The following ADGB variants were observed in gnomAD, a reference collection of about 807,000 sequenced individuals.
ADGB encodes calpain-7-like protein.
A neutral mutation model predicts 210.5 loss-of-function variants in ADGB; 172 were observed. That is an observed-to-expected ratio of 0.82 (90% confidence interval 0.72 to 0.93). The LOEUF (loss-of-function observed/expected upper bound fraction) is 0.93, where lower values mean the gene tolerates loss of function less well. ADGB is among the 40% of genes least tolerant of loss of function. The pLI is 0.00. For synonymous variants in ADGB, 658 were observed against 662.7 expected (o/e 0.99, Z 0.11); for missense variants, 2,025 against 1,964.8 (o/e 1.03, Z -0.58).
intron 12 of ADGB, among the ~76,000 whole-genome samples, chr6:146,697,277 A>C (rs974546212): frequency 6.6e-6 from 1 of 152,172 alleles, no homozygotes; most frequent in African/African-American, 2.4e-5. Context: ...ATATGAGTGC[A>C]GGGTATGATG....
intron 23 of ADGB, 62 bp downstream of exon 23, chr6:146,736,653 A>T: frequency 8.7e-7 from 1 of 1,146,694 alleles, no homozygotes; most frequent in Non-Finnish European, 1.2e-6. Context: ...GTCCAGTTTG[A>T]ATACTACCAT....
rs546514733 is a variant in ADGB at position 146,718,796 on chromosome 6, A to C, written c.1992+1197A>C. Among the ~76,000 whole-genome samples the C allele has an allele frequency of 5.9e-5, 9 of 152,298 alleles. 1 individual carries two copies. In the South Asian group the frequency reaches 1.9e-3, roughly 32 times the overall value. On this transcript the variant is annotated intron_variant, in intron 16 of 35. Transcript: ENST00000397944. Reference sequence around the variant, plus strand: ...GTAACAGATGAAAACGGGCAGAGAAAACCTTTTGAGCAGACCTCAAGAGCT... The same window carrying C: ...GTAACAGATGAAAACGGGCAGAGAACACCTTTTGAGCAGACCTCAAGAGCT...
At chr6:146,781,505 T>C (rs1583636097) in intron 29 of ADGB, among the ~76,000 whole-genome samples, 2 of 146,536 alleles carry the variant, frequency 1.4e-5, no homozygotes, top group African/African-American at 2.5e-5. Flanking sequence ...GTAAAAGTAG[T>C]GTTGAGAGAA....
intron 33 of ADGB, among the ~76,000 whole-genome samples, chr6:146,789,168 T>G (rs1418444522): frequency 6.6e-6 from 1 of 152,146 alleles, no homozygotes; most frequent in Non-Finnish European, 1.5e-5. Context: ...CCTAAGCAAC[T>G]CCTCAACTCC....
chr6:146,789,020 G>T (rs956292892), intron 33 of ADGB, among the ~76,000 whole-genome samples: 1 of 152,064 alleles, frequency 6.6e-6, no homozygotes, highest in Admixed American at 6.5e-5. Context: ...TTTAAATGTT[G>T]AAAAAGAGCA....
At chr6:146,733,380 T>C in intron 21 of ADGB, 125 bp downstream of exon 21, 6 of 991,582 alleles carry the variant, frequency 6.1e-6, no homozygotes, top group Non-Finnish European at 8.3e-6. Context: ...GTTCAAGCAG[T>C]GCTCTAAGAG....
At chr6:146,809,989 A>G (rs199881296) in intron 35 of ADGB, among the ~76,000 whole-genome samples, 45,556 of 149,568 alleles carry the variant, frequency 0.3, 7,867 homozygotes, top group East Asian at 0.67. Context: ...GCTGCTGCAC[A>G]GCAAAGAAAA....
intron 1 of ADGB, among the ~76,000 whole-genome samples, chr6:146,633,409 C>T (rs1284781643): frequency 2.0e-5 from 3 of 151,528 alleles, no homozygotes; most frequent in Admixed American, 2.0e-4. Context: ...CCTCCTTTGG[C>T]TTCTTATCTC....
chr6:146,752,825 C>A, intron 27 of ADGB, 111 bp downstream of exon 27: 1 of 967,394 alleles, frequency 1.0e-6, no homozygotes, highest in Non-Finnish European at 1.4e-6. Flanking sequence ...AATTATGAAA[C>A]TTCATAGTAC....
intron 1 of ADGB, among the ~76,000 whole-genome samples, chr6:146,606,986 G>A (rs1027876542): frequency 6.6e-6 from 1 of 152,072 alleles, no homozygotes; most frequent in East Asian, 1.9e-4. Flanking sequence ...AATTGCTTTG[G>A]GCAGCATGGT....
In ADGB at chr6:146,672,290, G is replaced by A. The variant is rs1583583681; in HGVS notation, c.910G>A (p.Ala304Thr). Reference sequence around the variant, plus strand: ...GCCTGAGTTTAAGCTGTCAGATGAGGCCAGCTCTGAAAGCAAAATAGCAGT... The same window carrying A: ...GCCTGAGTTTAAGCTGTCAGATGAGACCAGCTCTGAAAGCAAAATAGCAGT... ...ILPEFKLSDE[A>T]SSESKIAVLD... Residue 304 changes from alanine (A) to threonine (T), a missense_variant, in exon 8 of 36, where the codon GCC (alanine) becomes ACC (threonine). Coordinates refer to ENST00000397944, the MANE Select transcript of ADGB (RefSeq NM_024694.4). 1 of 1,551,216 alleles carries A rather than the reference G, an allele frequency of 6.4e-7. No individual in the cohort carries two copies. Among genetic ancestry groups the A allele is most frequent in the Non-Finnish European group, 8.7e-7 (1 of 1,146,762 alleles).
At chr6:146,720,529 A>G (rs1028694744) in intron 16 of ADGB, among the ~76,000 whole-genome samples, 33 of 152,288 alleles carry the variant, frequency 2.2e-4, no homozygotes, top group African/African-American at 7.2e-4. Flanking sequence ...TCAGCAAGCA[A>G]TGGGTATTGA....
At chr6:146,640,783 T>C (rs1366626175) in intron 2 of ADGB, among the ~76,000 whole-genome samples, 1 of 152,004 alleles carries the variant, frequency 6.6e-6, no homozygotes, top group Non-Finnish European at 1.5e-5. Context: ...GAACCATCTA[T>C]GATAAACTCA....
intron 2 of ADGB, among the ~76,000 whole-genome samples, chr6:146,637,568 C>T (rs140712355): frequency 5.9e-4 from 89 of 152,016 alleles, no homozygotes; most frequent in African/African-American, 2.0e-3. Flanking sequence ...CTTTTTTAGA[C>T]AGTGCACCAG....
chr6:146,789,954 T>C (rs987309432), intron 33 of ADGB, among the ~76,000 whole-genome samples: 1 of 152,170 alleles, frequency 6.6e-6, no homozygotes, highest in African/African-American at 2.4e-5. Context: ...AATTTAAAGA[T>C]CTATAAAATA....
intron 1 of ADGB, among the ~76,000 whole-genome samples, chr6:146,631,991 T>C (rs1781073628): frequency 6.6e-6 from 1 of 151,854 alleles, no homozygotes; most frequent in Non-Finnish European, 1.5e-5. Context: ...AAAAAAACCT[T>C]CACTTGGTTT....
At chr6:146,794,998 G>C (rs9497632) in intron 33 of ADGB, among the ~76,000 whole-genome samples, 16,674 of 112,932 alleles carry the variant, frequency 0.15, 1,662 homozygotes, top group African/African-American at 0.3. Flanking sequence ...GAGAAATCTT[G>C]GAGAAAACAT....
intron 6 of ADGB, among the ~76,000 whole-genome samples, chr6:146,664,868 A>T (rs942079757): frequency 4.7e-4 from 71 of 152,126 alleles, no homozygotes; most frequent in African/African-American, 1.6e-3. Flanking sequence ...TTCTTACAAA[A>T]TTGGTTTCTG....
At chr6:146,792,230 T>A (rs1408979193) in intron 33 of ADGB, among the ~76,000 whole-genome samples, 1 of 152,206 alleles carries the variant, frequency 6.6e-6, no homozygotes, top group African/African-American at 2.4e-5. Context: ...ATACAAATTT[T>A]AGGAATCTTT....
Sources: gnomAD v4.1 joint callset for allele counts (sites outside exome capture counted in the v4.1 genomes callset) on GRCh38, gnomAD v4.1.1 for gene constraint, MANE v1.5 for transcripts, NCBI Gene and HGNC (gene_info 2026-07-23, HGNC 2026-07-21) for gene names.